The following NRXN3 variants were observed in gnomAD, a reference collection of about 807,000 sequenced individuals.
The protein encoded by NRXN3 is neurexin 3.
In NRXN3, 32 loss-of-function variants were observed where a neutral mutation model predicts 137.6. That is an observed-to-expected ratio of 0.23 (90% CI 0.18 to 0.31). NRXN3 has a LOEUF of 0.31. Ranked by LOEUF, NRXN3 falls within the 10% of genes least tolerant of loss-of-function variation. The pLI is 1.00. For missense variants in NRXN3, 1,574 were observed against 2,062.5 expected (o/e 0.76, Z 4.59); for synonymous variants, 798 against 784.5 (o/e 1.02, Z -0.29).
At chr14:78,860,298 T>C (rs939658518) in intron 10 of NRXN3, among the ~76,000 whole-genome samples, 1 of 152,198 alleles carries the variant, frequency 6.6e-6, no homozygotes, top group Non-Finnish European at 1.5e-5. Context: ...CTTGATGGGA[T>C]CAAGTAATTT....
At chr14:79,844,339 T>C (rs923556267) in intron 20 of NRXN3, among the ~76,000 whole-genome samples, 1 of 150,676 alleles carries the variant, frequency 6.6e-6, no homozygotes, top group South Asian at 2.1e-4. Flanking sequence ...ATGTTCTTAA[T>C]GGTATCTAGA....
intron 16 of NRXN3, chr14:79,570,663 T>G (rs1218048228): frequency 6.6e-6 from 1 of 152,212 alleles, no homozygotes; most frequent in African/African-American, 2.4e-5. Flanking sequence ...TTGCCATTCG[T>G]GATAATTCTA....
intron 6 of NRXN3, among the ~76,000 whole-genome samples, chr14:78,668,594 C>A (rs2152705099): frequency 6.6e-6 from 1 of 152,250 alleles, no homozygotes; most frequent in East Asian, 1.9e-4. Flanking sequence ...CACTGTAGGC[C>A]TACAATGCAC....
intron 16 of NRXN3, among the ~76,000 whole-genome samples, chr14:79,539,362 A>T (rs371962592): frequency 6.6e-6 from 1 of 152,146 alleles, no homozygotes; most frequent in Non-Finnish European, 1.5e-5. Flanking sequence ...TCCAGAATTC[A>T]TGCTGTTAAT....
intron 10 of NRXN3, among the ~76,000 whole-genome samples, chr14:78,941,216 G>A (rs897649114): frequency 2.0e-5 from 3 of 152,124 alleles, no homozygotes; most frequent in African/African-American, 7.2e-5. Flanking sequence ...AGAAAGTCAG[G>A]TTATTGAGAC....
intron 15 of NRXN3, among the ~76,000 whole-genome samples, chr14:79,431,184 TACC>T (rs1323177082): frequency 1.3e-5 from 2 of 152,286 alleles, no homozygotes; most frequent in Non-Finnish European, 2.9e-5. Context: ...AGAACTGAGA[TACC>T]TATCTAAGAA....
chr14:78,665,227 A>T (rs1463969880), intron 6 of NRXN3, among the ~76,000 whole-genome samples: 1 of 152,218 alleles, frequency 6.6e-6, no homozygotes, highest in Non-Finnish European at 1.5e-5. Context: ...GCTAATAAAG[A>T]TATACCTGAG....
intron 4 of NRXN3, among the ~76,000 whole-genome samples, chr14:78,508,423 C>T (rs574461604): frequency 1.3e-5 from 2 of 152,284 alleles, no homozygotes; most frequent in African/African-American, 4.8e-5. Context: ...ATTACTTGAT[C>T]TCTGGCTTTC....
intron 15 of NRXN3, among the ~76,000 whole-genome samples, chr14:79,332,355 C>T (rs1176654127): frequency 6.6e-6 from 1 of 152,112 alleles, no homozygotes; most frequent in Non-Finnish European, 1.5e-5. Context: ...TTGGCATGGC[C>T]TTTGATTTCC....
At chr14:78,248,974 T>C (rs2068153230) in intron 2 of NRXN3, among the ~76,000 whole-genome samples, 1 of 152,172 alleles carries the variant, frequency 6.6e-6, no homozygotes, top group African/African-American at 2.4e-5. Context: ...TGCTCCTTTT[T>C]CCTCCTTTCC....
chr14:78,428,651 T>C (rs1302785929), intron 4 of NRXN3, among the ~76,000 whole-genome samples: 1 of 151,856 alleles, frequency 6.6e-6, no homozygotes, highest in African/African-American at 2.4e-5. Context: ...ACAGGGTGAG[T>C]TGGCAAGCTG....
intron 4 of NRXN3, among the ~76,000 whole-genome samples, chr14:78,549,664 A>G (rs960101040): frequency 1.3e-5 from 2 of 152,162 alleles, no homozygotes; most frequent in African/African-American, 4.8e-5. Flanking sequence ...TTTTGTTACC[A>G]TGGATGTTGG....
chr14:79,620,403 T>C lies in NRXN3; in HGVS notation c.3445-43375T>C, dbSNP rs188678875. On this transcript the variant is annotated intron_variant, in intron 16 of 20. Transcript: ENST00000335750. ...TGTTTTAAGTAGAAATGTGACTCCA[T>C]GGGAAAACATGTAAGAACATGAGCA... 1.3e-4 allele frequency among the ~76,000 whole-genome samples: 20 copies of C among 152,196 alleles called. No individual in the cohort carries two copies. The East Asian group carries it at 3.9e-3, about 29-fold the overall frequency.
At chr14:78,993,821 G>C (rs2099523871) in intron 15 of NRXN3, among the ~76,000 whole-genome samples, 1 of 134,544 alleles carries the variant, frequency 7.4e-6, no homozygotes, top group African/African-American at 2.6e-5. Flanking sequence ...TTTCATTGAA[G>C]ATGAGCCTTG....
intron 20 of NRXN3, among the ~76,000 whole-genome samples, chr14:79,852,234 A>AACACACACACACAC (rs45581833): frequency 0.022 from 2,811 of 128,206 alleles, 59 homozygotes; most frequent in Middle Eastern, 0.031. Flanking sequence ...TTCAACTCCC[A>AACACACACACACAC]ACACACACAC....
chr14:78,182,552 C>T (rs996475199), intron 1 of NRXN3, among the ~76,000 whole-genome samples: 8 of 152,214 alleles, frequency 5.3e-5, no homozygotes, highest in African/African-American at 1.9e-4. Context: ...TCACCGCAAC[C>T]TCTGCCTGCC....
chr14:79,178,556 C>G (rs771958437), intron 15 of NRXN3, among the ~76,000 whole-genome samples: 2 of 152,122 alleles, frequency 1.3e-5, no homozygotes, highest in Non-Finnish European at 2.9e-5. Context: ...GCTATTGTTA[C>G]TAATTTATTG....
intron 15 of NRXN3, among the ~76,000 whole-genome samples, chr14:79,178,888 C>A (rs925387219): frequency 6.6e-6 from 1 of 152,166 alleles, no homozygotes; most frequent in African/African-American, 2.4e-5. Context: ...TTAATCTCTG[C>A]CCAGGTCCAA....
intron 3 of NRXN3, among the ~76,000 whole-genome samples, chr14:78,295,065 T>C (rs2076181472): frequency 6.6e-6 from 1 of 152,196 alleles, no homozygotes; most frequent in African/African-American, 2.4e-5. Flanking sequence ...AAAATAGACC[T>C]GGGCATGATG....
Sources: allele counts gnomAD v4.1 joint callset (sites outside exome capture counted in the v4.1 genomes callset), GRCh38; gene constraint gnomAD v4.1.1; transcripts MANE v1.5; gene names NCBI Gene and HGNC (gene_info 2026-07-23, HGNC 2026-07-21).